The following APOL5 variants were observed in gnomAD, a reference collection of about 807,000 sequenced individuals.
APOL5 encodes apolipoprotein L5.
APOL5 carries 29 observed loss-of-function variants against 35.5 expected under a neutral mutation model. That is an observed-to-expected ratio of 0.82 (90% CI 0.61 to 1.11). The LOEUF is 1.11. Among genes scored for constraint, APOL5 ranks in the 50% most tolerant of loss-of-function variants. The probability of loss-of-function intolerance (pLI) is 0.00; values close to 1 mark genes in which losing one functional copy is unlikely to be tolerated. For missense variants in APOL5, 514 were observed against 530.4 expected (o/e 0.97, Z 0.30); for synonymous variants, 188 against 200.2 (o/e 0.94, Z 0.51).
the APOL5 span, among the ~76,000 whole-genome samples, chr22:35,711,274 C>G: frequency 6.6e-6 from 1 of 151,056 alleles, no homozygotes; most frequent in Admixed American, 6.6e-5. Context: ...TTTTGGTCAT[C>G]CATTCATCCA....
upstream of APOL5, among the ~76,000 whole-genome samples, chr22:35,713,531 G>A (rs1028776847): frequency 6.6e-6 from 1 of 152,090 alleles, no homozygotes; most frequent in African/African-American, 2.4e-5. Flanking sequence ...ATCTGTTTAC[G>A]AATTCCCATC....
At chr22:35,721,071 T>C (rs1288716716) in intron 2 of APOL5, among the ~76,000 whole-genome samples, 2 of 152,052 alleles carry the variant, frequency 1.3e-5, no homozygotes, top group African/African-American at 4.8e-5. Context: ...AATGAAGGAA[T>C]AAAATCTGAT....
intron 3 of APOL5, 69 bp downstream of exon 3, chr22:35,727,263 G>A (rs1214385947): frequency 4.6e-6 from 7 of 1,535,248 alleles, no homozygotes; most frequent in African/African-American, 4.1e-5. Flanking sequence ...GGTGGGGGGC[G>A]ACGAATGCTA....
rs746924095 is a variant in APOL5, at chr22:35,717,971, T to C, written c.55+45T>C. On this transcript the variant is annotated intron_variant, in intron 1 of 4. Coordinates refer to ENST00000249044, the MANE Select transcript of APOL5 (RefSeq NM_030642.1). ...CAGAAAACAAGCAATTCTCACGTTG[T>C]ACAAATTGTCCCAGAAATAGAAAAA... 6 of 1,471,594 alleles carry C rather than the reference T, an allele frequency of 4.1e-6. No individual in the cohort carries two copies. In the Admixed American group the frequency reaches 1.1e-4, roughly 27 times the overall value. The allele number at this position is 1,471,594 out of a possible 1,614,324, so 91.2% of individuals were successfully genotyped here.
chr22:35,725,127 G>C (rs1186953583), intron 2 of APOL5, among the ~76,000 whole-genome samples: 1 of 152,168 alleles, frequency 6.6e-6, no homozygotes, highest in Non-Finnish European at 1.5e-5. Flanking sequence ...CCTCTGCCCA[G>C]ATAGAGTTGA....
upstream of APOL5, chr22:35,717,758 G>C (rs5995159): frequency 7.3e-6 from 2 of 275,062 alleles, no homozygotes. Flanking sequence ...AAAAAAGAAA[G>C]AAAAGAAAAG....
At chr22:35,717,968 T>A (rs1207889928) in intron 1 of APOL5, 42 bp downstream of exon 1, 3 of 1,471,686 alleles carry the variant, frequency 2.0e-6, no homozygotes, top group Non-Finnish European at 1.8e-6. Context: ...AATTCTCACG[T>A]TGTACAAATT....
At chr22:35,720,344 A>G (rs181429379) in intron 1 of APOL5, among the ~76,000 whole-genome samples, 1 of 152,162 alleles carries the variant, frequency 6.6e-6, no homozygotes, top group African/African-American at 2.4e-5. Flanking sequence ...TTCCAGTTTT[A>G]TTGCATCCTA....
chr22:35,717,235 A>AAAAAAAAAAATATAT, upstream of APOL5, among the ~76,000 whole-genome samples: 1 of 57,662 alleles, frequency 1.7e-5, no homozygotes, highest in African/African-American at 7.9e-5. Flanking sequence ...AAAAAAAAAA[A>AAAAAAAAAAATATAT]ATATATATAT....
upstream of APOL5, among the ~76,000 whole-genome samples, chr22:35,717,542 C>T (rs1384841885): frequency 1.3e-5 from 2 of 150,960 alleles, no homozygotes; most frequent in Non-Finnish European, 3.0e-5. Context: ...GAGTTTGAGA[C>T]CAGCCTGGCC....
In APOL5 at chr22:35,726,507, G is replaced by A. The variant is rs775428622; in HGVS notation, c.439G>A (p.Val147Ile). The A allele has an allele frequency of 1.2e-6, 2 of 1,614,190 alleles. No homozygotes were observed. The highest frequency in any genetic ancestry group is 1.7e-6 in the Non-Finnish European group (2 of 1,180,038). ...CCTGGTGGCCAGCTCTTCCGGGGCTGTTTCTGGGGTCATGAACATCCTGGG... is the reference window on the plus strand; with the variant it reads ...CCTGGTGGCCAGCTCTTCCGGGGCTATTTCTGGGGTCATGAACATCCTGGG... ...TSLVASSSGAVSGVMNILGLA... is the reference protein window; with the variant it reads ...TSLVASSSGAISGVMNILGLA... The change falls in exon 3 of 5, where the codon GTT becomes ATT. Residue 147 changes from valine to isoleucine, a missense_variant. Coordinates refer to ENST00000249044, the MANE Select transcript of APOL5 (RefSeq NM_030642.1).
At chr22:35,725,469 G>C (rs1056797287) in intron 2 of APOL5, among the ~76,000 whole-genome samples, 3 of 151,996 alleles carry the variant, frequency 2.0e-5, no homozygotes, top group Admixed American at 6.5e-5. Context: ...TGGCCAGGCT[G>C]GTTTTGAACT....
chr22:35,709,677 G>A, the APOL5 span, among the ~76,000 whole-genome samples: 1 of 152,236 alleles, frequency 6.6e-6, no homozygotes, highest in South Asian at 2.1e-4. Context: ...GGGATTCCAA[G>A]GAGCATATGT....
intron 2 of APOL5, among the ~76,000 whole-genome samples, chr22:35,722,493 G>T (rs1489920757): frequency 6.6e-6 from 1 of 152,138 alleles, no homozygotes; most frequent in Non-Finnish European, 1.5e-5. Context: ...AGTAGACAGG[G>T]TTTCACCACG....
At chr22:35,712,388 T>A in the APOL5 span, among the ~76,000 whole-genome samples, 1 of 152,142 alleles carries the variant, frequency 6.6e-6, no homozygotes, top group Non-Finnish European at 1.5e-5. Flanking sequence ...TTATTATTTT[T>A]TAATTTTTTG....
chr22:35,725,784 G>T (rs1338755093), intron 2 of APOL5, among the ~76,000 whole-genome samples: 3 of 152,176 alleles, frequency 2.0e-5, no homozygotes, highest in Non-Finnish European at 4.4e-5. Context: ...ACTCATGTTA[G>T]GTTTTACAAT....
upstream of APOL5, among the ~76,000 whole-genome samples, chr22:35,716,918 G>T (rs117696654): frequency 0.01 from 1,540 of 149,168 alleles, 27 homozygotes; most frequent in Middle Eastern, 0.069. Flanking sequence ...AACAGTCCCC[G>T]GCATGGATTT....
intron 1 of APOL5, among the ~76,000 whole-genome samples, chr22:35,718,357 C>T (rs185033971): frequency 1.3e-5 from 2 of 152,294 alleles, no homozygotes; most frequent in African/African-American, 4.8e-5. Context: ...GTGGCTCATG[C>T]CTGTAATCCC....
At chr22:35,711,093 C>A in the APOL5 span, among the ~76,000 whole-genome samples, 1,244 of 152,294 alleles carry the variant, frequency 8.2e-3, 18 homozygotes, top group African/African-American at 0.027. Context: ...TCGCTTGAAG[C>A]CGGGAGTGGG....
Sources: gnomAD v4.1 joint callset for allele counts (sites outside exome capture counted in the v4.1 genomes callset) on GRCh38, gnomAD v4.1.1 for gene constraint, MANE v1.5 for transcripts, NCBI Gene and HGNC (gene_info 2026-07-23, HGNC 2026-07-21) for gene names.